Variants in CYSLTR1 observed in about 807,000 individuals in gnomAD.
CYSLTR1 encodes the protein cysteinyl leukotriene receptor 1, also known as G-protein coupled receptor HG55.
A neutral mutation model predicts 2.1 loss-of-function variants in CYSLTR1; 1 was observed. The ratio of observed to expected loss-of-function variants is 0.48; its 90% CI spans 0.17 to 2.28. CYSLTR1 has a LOEUF of 2.28. Ranked by LOEUF, CYSLTR1 falls within the 30% of genes most tolerant of loss-of-function variation. The pLI is 0.26. For missense variants in CYSLTR1, 299 were observed against 250.1 expected (o/e 1.20, Z -1.32); for synonymous variants, 110 against 89.6 (o/e 1.23, Z -1.28).
chrX:78,283,121 T>C (rs1005453649), intron 2 of CYSLTR1, among the ~76,000 whole-genome samples: 4 of 111,776 alleles, frequency 3.6e-5, no homozygotes, highest in Non-Finnish European at 7.5e-5. Flanking sequence ...ATTTAATTTG[T>C]TTTTTAGAAT....
At chrX:78,307,478 C>T (rs771609046) in intron 1 of CYSLTR1, among the ~76,000 whole-genome samples, 1 of 111,889 alleles carries the variant, frequency 8.9e-6, no homozygotes, top group Non-Finnish European at 1.9e-5. Flanking sequence ...GATACTTTCT[C>T]TGATGTCTAG....
chrX:78,324,459 C>T (rs763521801), intron 1 of CYSLTR1, among the ~76,000 whole-genome samples: 15 of 111,679 alleles, frequency 1.3e-4, no homozygotes, highest in Non-Finnish European at 2.8e-4. Context: ...CCTCCACCAC[C>T]CGGGTTCAAG....
chrX:78,290,221 C>T (rs1569552274), intron 1 of CYSLTR1, among the ~76,000 whole-genome samples: 3 of 111,941 alleles, frequency 2.7e-5, no homozygotes, highest in Non-Finnish European at 5.6e-5. Context: ...AATAGGGAAT[C>T]CTTTCCCCAT....
chrX:78,307,417 T>C (rs1358260186), intron 1 of CYSLTR1, among the ~76,000 whole-genome samples: 2 of 111,733 alleles, frequency 1.8e-5, no homozygotes, highest in Non-Finnish European at 3.8e-5. Flanking sequence ...AACATTGCTG[T>C]TTGTTTTCTT....
intron 1 of CYSLTR1, among the ~76,000 whole-genome samples, chrX:78,324,623 C>T (rs1923801606): frequency 8.9e-6 from 1 of 112,007 alleles, no homozygotes; most frequent in Non-Finnish European, 1.9e-5. Flanking sequence ...ACCTCGGCCT[C>T]CCAAAGTGCT....
chrX:78,275,125 TTGG>T lies in CYSLTR1; in HGVS notation c.-27-1355_-27-1353del, dbSNP rs1206237735. 7.1e-5 allele frequency among the ~76,000 whole-genome samples: 8 copies of T among 112,067 alleles called. No homozygotes were observed. In the East Asian group the frequency reaches 2.2e-3, roughly 31 times the overall value. ...GAGAAATAGGAACACTTTTGCACTG[TTGG>T]TGGGACTGTAAACTAGTTCAACCAT... On this transcript the variant is annotated intron_variant, in intron 2 of 2. Transcript: ENST00000373304.
At chrX:78,294,453 G>T (rs753161730) in intron 1 of CYSLTR1, among the ~76,000 whole-genome samples, 17 of 112,717 alleles carry the variant, frequency 1.5e-4, no homozygotes, top group African/African-American at 5.1e-4. Flanking sequence ...ACTTGAGGAG[G>T]CAGTCTGTCC....
chrX:78,300,013 G>T, intron 1 of CYSLTR1, among the ~76,000 whole-genome samples: 5 of 108,935 alleles, frequency 4.6e-5, no homozygotes, highest in Non-Finnish European at 9.5e-5. Context: ...CTCTGGTTAT[G>T]TATCTTCAAA....
chrX:78,314,357 A>T (rs758700835), intron 1 of CYSLTR1, among the ~76,000 whole-genome samples: 1 of 111,566 alleles, frequency 9.0e-6, no homozygotes, highest in Admixed American at 9.5e-5. Flanking sequence ...GTATCAGAGG[A>T]TGGAGCAAGA....
intron 1 of CYSLTR1, among the ~76,000 whole-genome samples, chrX:78,292,492 T>C (rs1055011900): frequency 2.7e-5 from 3 of 112,027 alleles, no homozygotes; most frequent in Non-Finnish European, 5.6e-5. Flanking sequence ...GTTTGCTTGA[T>C]GCATAGCTGA....
chrX:78,278,459 G>T (rs1309270720), intron 2 of CYSLTR1, among the ~76,000 whole-genome samples: 1 of 112,080 alleles, frequency 8.9e-6, no homozygotes, highest in Non-Finnish European at 1.9e-5. Flanking sequence ...ACTGCTCAAA[G>T]AAACCAGATA....
intron 1 of CYSLTR1, among the ~76,000 whole-genome samples, chrX:78,308,500 AT>A (rs932279210): frequency 1.8e-5 from 2 of 111,378 alleles, no homozygotes; most frequent in African/African-American, 6.5e-5. Context: ...TAATTTTTAT[AT>A]CTAGAAAGAT....
At position 78,273,164 on chromosome X, in the gene CYSLTR1, A is replaced by G. The variant is rs1921373433; in HGVS notation, c.583T>C (p.Phe195Leu). 8.3e-7 allele frequency: 1 copy of G among 1,210,239 alleles called. No homozygotes were observed. The change falls in exon 3 of 3, where the codon TTT becomes CTT. Residue 195 changes from phenylalanine (F) to leucine (L), a missense_variant. Coordinates refer to ENST00000373304, the MANE Select transcript of CYSLTR1 (RefSeq NM_006639.4). The stretch of plus-strand genomic sequence containing the variant: ...ACAAAAGGGATGATAAAGCCAACAA[A>G]CAATGACACATAATGCAAGACCAAA... ...HVLVLHYVSL[F>L]VGFIIPFVII...
At chrX:78,283,705 T>C (rs1921935762) in intron 1 of CYSLTR1, among the ~76,000 whole-genome samples, 165 bp from the exon 2 acceptor site, 1 of 112,109 alleles carries the variant, frequency 8.9e-6, no homozygotes, top group Non-Finnish European at 1.9e-5. Context: ...CCTTCTTTTT[T>C]CTCCATCTGT....
chrX:78,275,532 G>A (rs977393180), intron 2 of CYSLTR1, among the ~76,000 whole-genome samples: 4 of 102,493 alleles, frequency 3.9e-5, no homozygotes, highest in Non-Finnish European at 7.9e-5. Flanking sequence ...ATTGAACAAT[G>A]AGAACACATG....
Position 78,273,408 on chromosome X carries a change from A to G in CYSLTR1, c.339T>C (p.Phe113=), listed in dbSNP as rs1261590118. Residue 113 remains phenylalanine (F), a synonymous_variant, in exon 3 of 3, where the codon TTT becomes TTC. Coordinates refer to ENST00000373304, the MANE Select transcript of CYSLTR1 (RefSeq NM_006639.4). Reference sequence around the variant, plus strand: ...ACCGGAAAAAGCTCATGGCTGTCATAAAGAAGATGCTACAATAGAGGTTGA... The same window carrying G: ...ACCGGAAAAAGCTCATGGCTGTCATGAAGAAGATGCTACAATAGAGGTTGA... ...LYVNLYCSIF[F]MTAMSFFRCI... is the part of the protein sequence containing the mutation. 2.5e-6 allele frequency: 3 copies of G among 1,211,625 alleles called. No individual in the cohort carries two copies. Among genetic ancestry groups the G allele is most frequent in the Non-Finnish European group, 3.4e-6 (3 of 895,414 alleles).
intron 1 of CYSLTR1, among the ~76,000 whole-genome samples, chrX:78,316,249 G>A (rs1923413838): frequency 8.9e-6 from 1 of 112,193 alleles, no homozygotes; most frequent in African/African-American, 3.2e-5. Flanking sequence ...AGGGGCCTTT[G>A]GGGAACGCAC....
At chrX:78,274,761 C>T (rs1379492533) in intron 2 of CYSLTR1, among the ~76,000 whole-genome samples, 3 of 110,484 alleles carry the variant, frequency 2.7e-5, no homozygotes, top group African/African-American at 9.9e-5. Context: ...TTCTGCACAG[C>T]AAAAGAAACT....
At chrX:78,274,892 A>G (rs1285154879) in intron 2 of CYSLTR1, among the ~76,000 whole-genome samples, 1 of 111,896 alleles carries the variant, frequency 8.9e-6, no homozygotes, top group African/African-American at 3.2e-5. Flanking sequence ...GAAAAAAACA[A>G]ACAACCCCAT....
Sources: gnomAD v4.1 joint callset for allele counts (sites outside exome capture counted in the v4.1 genomes callset) on GRCh38, gnomAD v4.1.1 for gene constraint, MANE v1.5 for transcripts, NCBI Gene and HGNC (gene_info 2026-07-23, HGNC 2026-07-21) for gene names.